The following SOX5 variants were observed in gnomAD, a reference collection of about 807,000 sequenced individuals.
SOX5 encodes SRY-box transcription factor 5, also known as transcription factor SOX-5.
SOX5 carries 9 observed loss-of-function variants against 92.0 expected under a neutral mutation model. The observed-to-expected ratio is 0.10, with a 90% CI of 0.06 to 0.17. The LOEUF (loss-of-function observed/expected upper bound fraction) is 0.17. SOX5 is among the 10% of genes least tolerant of loss of function. The probability of loss-of-function intolerance (pLI) is 1.00; values close to 1 mark genes in which losing one functional copy is unlikely to be tolerated. For synonymous variants in SOX5, 344 were observed against 336.3 expected (o/e 1.02, Z -0.25); for missense variants, 642 against 944.5 (o/e 0.68, Z 4.20).
At chr12:23,581,135 T>C (rs1057414512) in intron 9 of SOX5, among the ~76,000 whole-genome samples, 7 of 152,044 alleles carry the variant, frequency 4.6e-5, no homozygotes, top group African/African-American at 1.7e-4. Context: ...AAAAGCATTC[T>C]TAGCAATCCT....
chr12:23,780,780 C>T (rs1206410235), intron 3 of SOX5, among the ~76,000 whole-genome samples: 1 of 151,734 alleles, frequency 6.6e-6, no homozygotes, highest in Admixed American at 6.6e-5. Context: ...TACTATAGAG[C>T]CAAGAAAGTA....
At chr12:23,667,708 A>G (rs996390826) in intron 6 of SOX5, among the ~76,000 whole-genome samples, 2 of 152,200 alleles carry the variant, frequency 1.3e-5, no homozygotes, top group African/African-American at 4.8e-5. Flanking sequence ...AAGAGGAACT[A>G]CAAGGTGGAA....
intron 13 of SOX5, among the ~76,000 whole-genome samples, chr12:23,538,583 G>T (rs754159761): frequency 2.0e-5 from 3 of 152,000 alleles, no homozygotes; most frequent in Non-Finnish European, 4.4e-5. Flanking sequence ...CACAGATATG[G>T]TTATGATCCT....
intron 4 of SOX5, among the ~76,000 whole-genome samples, chr12:24,109,153 C>A (rs985371693): frequency 1.3e-5 from 2 of 152,052 alleles, no homozygotes; most frequent in Admixed American, 6.5e-5. Context: ...CCTTGTATGT[C>A]TTATTTTGAG....
intron 4 of SOX5, among the ~76,000 whole-genome samples, chr12:24,151,954 C>T (rs997656450): frequency 3.6e-4 from 55 of 152,042 alleles, no homozygotes; most frequent in African/African-American, 1.1e-3. Flanking sequence ...TTGATAGTCT[C>T]CCTATATCTT....
At chr12:24,060,512 T>C (rs1370817752) in intron 4 of SOX5, among the ~76,000 whole-genome samples, 2 of 152,328 alleles carry the variant, frequency 1.3e-5, no homozygotes, top group East Asian at 1.9e-4. Flanking sequence ...AGTAGAAAAA[T>C]AATACTATTC....
At chr12:23,544,266 C>T (rs1942700848) in intron 12 of SOX5, among the ~76,000 whole-genome samples, 1 of 151,992 alleles carries the variant, frequency 6.6e-6, no homozygotes, top group African/African-American at 2.4e-5. Flanking sequence ...TTATGTGACC[C>T]CTTAGAATGG....
chr12:24,355,375 T>C (rs1954709929), intron 2 of SOX5, among the ~76,000 whole-genome samples: 1 of 135,848 alleles, frequency 7.4e-6, no homozygotes, highest in South Asian at 2.5e-4. Flanking sequence ...TGGTGCAATT[T>C]CGGCTCACTG....
rs73277234 is a variant in SOX5 at position 24,136,242 on chromosome 12, C to T, written c.-2+77101G>A. Among the ~76,000 whole-genome samples the T allele has an allele frequency of 2.8e-3, 422 of 152,296 alleles. 5 individuals are homozygous for T. The highest frequency in any genetic ancestry group is 9.8e-3 in the African/African-American group (409 of 41,566). On this transcript the variant is annotated intron_variant, in intron 4 of 4. Transcript: ENST00000446891. ...GGGTAACCAGAAGGCCCAGAGAGTC[C>T]TCAAGGGATGCTGAGAAATCCTAAG... is the stretch of plus-strand genomic sequence containing the variant.
intron 4 of SOX5, among the ~76,000 whole-genome samples, chr12:24,177,864 T>G (rs562723766): frequency 6.6e-6 from 1 of 152,292 alleles, no homozygotes; most frequent in East Asian, 1.9e-4. Flanking sequence ...AAAGATGCAT[T>G]GCGATAATTG....
chr12:24,129,238 T>C (rs766119773), intron 4 of SOX5, among the ~76,000 whole-genome samples: 3 of 152,230 alleles, frequency 2.0e-5, no homozygotes, highest in Non-Finnish European at 4.4e-5. Flanking sequence ...CCCCTTATTG[T>C]CATTAGCAAC....
chr12:24,131,898 C>T (rs969608790), intron 4 of SOX5, among the ~76,000 whole-genome samples: 1 of 152,104 alleles, frequency 6.6e-6, no homozygotes, highest in Non-Finnish European at 1.5e-5. Context: ...ATTTTGTCTA[C>T]ACGGACTAGA....
intron 4 of SOX5, among the ~76,000 whole-genome samples, chr12:24,124,709 G>C (rs4963566): frequency 3.3e-5 from 5 of 152,218 alleles, no homozygotes; most frequent in Admixed American, 2.0e-4. Context: ...CTGGTCTCCA[G>C]TGGAGACTAA....
intron 3 of SOX5, among the ~76,000 whole-genome samples, chr12:24,246,939 T>G (rs566703261): frequency 6.6e-6 from 1 of 151,870 alleles, no homozygotes; most frequent in African/African-American, 2.4e-5. Flanking sequence ...GAACAAAAAA[T>G]GCAAGGTTTC....
At chr12:24,060,740 GATAAAGCT>G (rs1457261397) in intron 4 of SOX5, among the ~76,000 whole-genome samples, 3 of 152,156 alleles carry the variant, frequency 2.0e-5, no homozygotes, top group African/African-American at 2.4e-5. Flanking sequence ...GCGGGACTTC[GATAAAGCT>G]ATAAAGAAAG....
intron 4 of SOX5, among the ~76,000 whole-genome samples, chr12:23,956,281 T>C (rs1485630733): frequency 6.6e-6 from 1 of 151,084 alleles, no homozygotes; most frequent in Non-Finnish European, 1.5e-5. Flanking sequence ...AAGCTGAAAG[T>C]TAGGAAACCT....
chr12:24,515,883 C>T (rs994778931), intron 1 of SOX5, among the ~76,000 whole-genome samples: 30 of 152,134 alleles, frequency 2.0e-4, no homozygotes, highest in Admixed American at 6.5e-5. Context: ...TGACTGGAAG[C>T]TTAAACTCAC....
intron 3 of SOX5, among the ~76,000 whole-genome samples, chr12:23,838,407 A>C (rs569499798): frequency 1.3e-5 from 2 of 151,798 alleles, no homozygotes; most frequent in Non-Finnish European, 2.9e-5. Context: ...CAAATTCTCA[A>C]TAAAAGTGAG....
At chr12:24,341,733 G>C (rs529690457) in intron 2 of SOX5, among the ~76,000 whole-genome samples, 1 of 152,310 alleles carries the variant, frequency 6.6e-6, no homozygotes, top group South Asian at 2.1e-4. Context: ...GGATGAGAGA[G>C]AAGGCTTCTC....
Sources: allele counts gnomAD v4.1 joint callset (sites outside exome capture counted in the v4.1 genomes callset), GRCh38; gene constraint gnomAD v4.1.1; transcripts MANE v1.5; gene names NCBI Gene and HGNC (gene_info 2026-07-23, HGNC 2026-07-21).